GABBR2: variants seen among roughly 807,000 people sequenced by gnomAD.
GABBR2 encodes gamma-aminobutyric acid type B receptor subunit 2.
A neutral mutation model predicts 105.6 loss-of-function variants in GABBR2; 23 were observed. The ratio of observed to expected loss-of-function variants is 0.22; its 90% confidence interval spans 0.16 to 0.31. The LOEUF (loss-of-function observed/expected upper bound fraction) is 0.31, where lower values mean the gene tolerates loss of function less well. Ranked by LOEUF, GABBR2 falls within the 10% of genes least tolerant of loss-of-function variation. The probability of loss-of-function intolerance (pLI) is 1.00; values close to 1 mark genes in which losing one functional copy is unlikely to be tolerated. For missense variants in GABBR2, 734 were observed against 1,245.5 expected, an observed-to-expected ratio of 0.59 and a Z score of 6.18; for synonymous variants, 478 against 499.7, an observed-to-expected ratio of 0.96 and a Z score of 0.58.
chr9:98,515,910 C>T (rs1265255280), intron 3 of GABBR2: 1 of 152,314 alleles, frequency 6.6e-6, no homozygotes, highest in African/African-American at 2.4e-5. Flanking sequence ...GACTGATACT[C>T]ATGTCTCTCT....
chr9:98,565,203 G>A (rs1828735435), intron 2 of GABBR2, among the ~76,000 whole-genome samples: 1 of 152,186 alleles, frequency 6.6e-6, no homozygotes, highest in Non-Finnish European at 1.5e-5. Context: ...CACCTGGAAA[G>A]CTCTGGCGGA....
chr9:98,585,530 T>C (rs946359437), intron 1 of GABBR2, among the ~76,000 whole-genome samples: 20 of 149,468 alleles, frequency 1.3e-4, no homozygotes, highest in African/African-American at 4.4e-4. Context: ...TTAGGAGATA[T>C]ACCTAATGCT....
Position 98,388,954 on chromosome 9 carries a change from T to A in GABBR2, c.1429A>T (p.Ile477Phe). ...AGGATGCTGTAGAGAGGTAGGGAGATCTTCCGCAGCTGCTCCAGGATGATG... is the reference window on the plus strand; with the variant it reads ...AGGATGCTGTAGAGAGGTAGGGAGAACTTCCGCAGCTGCTCCAGGATGATG... ...KTIILEQLRKISLPLYSILSA... is the reference protein window; with the variant it reads ...KTIILEQLRKFSLPLYSILSA... The change falls in exon 10 of 19, where the codon ATC becomes TTC. Residue 477 changes from isoleucine to phenylalanine, a missense_variant. Transcript: ENST00000259455. The surrounding 1 kb of genome is among the most constrained non-coding windows in gnomAD (Gnocchi z 4.4). 6.2e-7 allele frequency: 1 copy of A among 1,613,518 alleles called. No individual in the cohort carries two copies. Among genetic ancestry groups the A allele is most frequent in the Non-Finnish European group, 8.5e-7 (1 of 1,179,624 alleles).
At chr9:98,604,194 C>G (rs1426163643) in intron 1 of GABBR2, among the ~76,000 whole-genome samples, 1 of 152,218 alleles carries the variant, frequency 6.6e-6, no homozygotes, top group Non-Finnish European at 1.5e-5. Context: ...AATACACATC[C>G]CTGATGATCC....
At position 98,290,841 on chromosome 9, in the gene GABBR2, G is replaced by A. The variant is rs41273923; in HGVS notation, c.2661-92C>T. The A allele has an allele frequency of 0.065, 49,430 of 762,098 alleles. 1,994 individuals carry two copies. The highest frequency in any genetic ancestry group is 0.093 in the Middle Eastern group (371 of 3,996). The allele number at this position is 762,098 out of a possible 1,614,324, so 47.2% of individuals were successfully genotyped here. On this transcript the variant is annotated intron_variant, in intron 18 of 18. Transcript: ENST00000259455. ...ACTTGCTTTGGCTAAAAAAGCTGAT[G>A]ACAGGAGCATATTTTTCTCTGAATC...
chr9:98,619,703 G>T (rs1407890173), intron 1 of GABBR2, among the ~76,000 whole-genome samples: 1 of 152,202 alleles, frequency 6.6e-6, no homozygotes, highest in Non-Finnish European at 1.5e-5. Flanking sequence ...GATACTTGGA[G>T]TTCCTTGTTT....
At chr9:98,606,637 T>C (rs901029484) in intron 1 of GABBR2, among the ~76,000 whole-genome samples, 3 of 151,814 alleles carry the variant, frequency 2.0e-5, no homozygotes, top group Non-Finnish European at 4.4e-5. Context: ...TGTGCCAACA[T>C]GCCCGGTCGA....
At chr9:98,419,017 A>G (rs1832736120) in intron 7 of GABBR2, among the ~76,000 whole-genome samples, 2 of 152,270 alleles carry the variant, frequency 1.3e-5, no homozygotes, top group South Asian at 4.1e-4. Context: ...ATTGCTGACC[A>G]GCTGACCTGA....
At chr9:98,513,855 C>T (rs185673949) in intron 3 of GABBR2, among the ~76,000 whole-genome samples, 5,848 of 152,194 alleles carry the variant, frequency 0.038, 393 homozygotes, top group African/African-American at 0.13. Flanking sequence ...GCGGCGATTC[C>T]TCAGGGATCT....
intron 13 of GABBR2, among the ~76,000 whole-genome samples, chr9:98,317,765 G>A (rs940911191): frequency 1.3e-5 from 2 of 152,196 alleles, no homozygotes; most frequent in Admixed American, 1.3e-4. Context: ...AGACCAACAT[G>A]GCGCTTGCCT....
intron 1 of GABBR2, among the ~76,000 whole-genome samples, chr9:98,665,223 C>T (rs980329208): frequency 3.9e-5 from 6 of 152,146 alleles, no homozygotes; most frequent in Admixed American, 2.6e-4. Flanking sequence ...GAACCATGAT[C>T]GTTCCACTGC....
At chr9:98,303,460 A>T (rs1177266978) in intron 15 of GABBR2, 37 bp from the exon 16 acceptor site, 2 of 1,575,190 alleles carry the variant, frequency 1.3e-6, no homozygotes, top group Non-Finnish European at 1.7e-6. Flanking sequence ...TTGAAGAGAG[A>T]GCCTTGAGTC....
rs117530150 is a variant in GABBR2 at position 98,667,966 on chromosome 9, C to T, written c.321+40451G>A. Among the ~76,000 whole-genome samples, 436 of 152,256 alleles carry T rather than the reference C, an allele frequency of 2.9e-3. 8 individuals carry two copies. In the East Asian group the frequency reaches 0.038, roughly 13 times the overall value. ...AGTGTCAGGGAGCTGCCTCATCCCA[C>T]GGGGCAGCCCAGGGCCAGTGACTGG... is the stretch of plus-strand genomic sequence containing the variant. On this transcript the variant is annotated intron_variant, in intron 1 of 18. Coordinates refer to ENST00000259455, the MANE Select transcript of GABBR2 (RefSeq NM_005458.8).
intron 8 of GABBR2, among the ~76,000 whole-genome samples, chr9:98,403,192 G>T (rs1359475531): frequency 2.0e-5 from 3 of 150,788 alleles, no homozygotes; most frequent in South Asian, 2.1e-4. Flanking sequence ...TACTCGGGAG[G>T]CTGAGGCAGA....
At chr9:98,681,513 G>T (rs1830546369) in intron 1 of GABBR2, among the ~76,000 whole-genome samples, 1 of 151,574 alleles carries the variant, frequency 6.6e-6, no homozygotes, top group South Asian at 2.1e-4. Flanking sequence ...CAGCGTACCA[G>T]CATGGCACAT....
At chr9:98,450,480 T>C (rs894613084) in intron 7 of GABBR2, among the ~76,000 whole-genome samples, 1 of 152,190 alleles carries the variant, frequency 6.6e-6, no homozygotes, top group Non-Finnish European at 1.5e-5. Context: ...AGTGCAGGAC[T>C]GTTTCACTGT....
At chr9:98,488,215 GAAGCTGT>G (rs1827099959) in intron 4 of GABBR2, among the ~76,000 whole-genome samples, 3 of 152,148 alleles carry the variant, frequency 2.0e-5, no homozygotes, top group Admixed American at 2.0e-4. Context: ...TGTGTTGCTT[GAAGCTGT>G]TCAGATTTTC....
At position 98,625,846 on chromosome 9, in the gene GABBR2, C is replaced by T. The variant is rs952149046; in HGVS notation, c.322-47774G>A. On this transcript the variant is annotated intron_variant, in intron 1 of 18. Coordinates refer to ENST00000259455, the MANE Select transcript of GABBR2 (RefSeq NM_005458.8). ...AGCAGGGACTGGTTCCTGCCCATTT[C>T]ACAGATGAAGAAACTGAGACTCAGG... Among the ~76,000 whole-genome samples, 12 of 152,328 alleles carry T rather than the reference C, an allele frequency of 7.9e-5. No individual in the cohort carries two copies. The East Asian group carries it at 1.9e-3, about 25-fold the overall frequency.
At position 98,408,980 on chromosome 9, in the gene GABBR2, G is replaced by A. The variant is rs183367733; in HGVS notation, c.1237-2839C>T. 5.5e-4 allele frequency among the ~76,000 whole-genome samples: 84 copies of A among 152,256 alleles called. 1 individual carries two copies. In the East Asian group the frequency reaches 0.015, roughly 27 times the overall value. ...GGAGCTGCTTTAGTTGGGTAGTTAG[G>A]GAAGACTCCGCTCAAGACGTTATAA... On this transcript the variant is annotated intron_variant, in intron 7 of 18. Coordinates refer to ENST00000259455, the MANE Select transcript of GABBR2 (RefSeq NM_005458.8).
Sources: allele counts gnomAD v4.1 joint callset (sites outside exome capture counted in the v4.1 genomes callset), GRCh38; gene constraint gnomAD v4.1.1; non-coding constraint Gnocchi (gnomAD v3.1); transcripts MANE v1.5; gene names NCBI Gene and HGNC (gene_info 2026-07-23, HGNC 2026-07-21).